MBD5: variants seen among roughly 807,000 people sequenced by gnomAD.
The protein encoded by MBD5 is methyl-CpG binding domain protein 5.
A neutral mutation model predicts 117.3 loss-of-function variants in MBD5; 13 were observed. That is an observed-to-expected ratio of 0.11 (90% CI 0.07 to 0.18). The LOEUF (loss-of-function observed/expected upper bound fraction) is 0.18, where lower values mean the gene tolerates loss of function less well. Among genes scored for constraint, MBD5 ranks in the 10% least tolerant of loss-of-function variants. The probability of loss-of-function intolerance (pLI) is 1.00; values close to 1 mark genes in which losing one functional copy is unlikely to be tolerated. For missense variants in MBD5, 1,879 were observed against 2,093.8 expected, an observed-to-expected ratio of 0.90 and a Z score of 2.00; for synonymous variants, 727 against 766.4, an observed-to-expected ratio of 0.95 and a Z score of 0.85.
chr2:148,282,560 G>T (rs985251021), intron 3 of MBD5, among the ~76,000 whole-genome samples: 10 of 149,518 alleles, frequency 6.7e-5, no homozygotes, highest in Non-Finnish European at 1.3e-4. Context: ...TATATATAAT[G>T]TGTGTGTGTG....
In MBD5 at chr2:148,101,786, A is replaced by G. The variant is rs567336960; in HGVS notation, c.-924-76914A>G. Among the ~76,000 whole-genome samples the G allele has an allele frequency of 2.6e-5, 4 of 152,302 alleles. No individual in the cohort carries two copies. The South Asian group carries it at 6.2e-4, about 24-fold the overall frequency. On this transcript the variant is annotated intron_variant, in intron 1 of 13. Coordinates refer to ENST00000642680, the MANE Select transcript of MBD5 (RefSeq NM_001378120.1). ...TGTTCTCTCAGTAAAAATAGGTGCT[A>G]AAATTAAAAACACAATATATTACAC...
chr2:148,436,066 T>G (rs945422703), intron 4 of MBD5, among the ~76,000 whole-genome samples: 2 of 152,182 alleles, frequency 1.3e-5, no homozygotes, highest in Non-Finnish European at 2.9e-5. Context: ...GAAATTGCAT[T>G]TGTAAGTTAA....
intron 4 of MBD5, among the ~76,000 whole-genome samples, chr2:148,454,641 G>A (rs995770119): frequency 5.9e-5 from 9 of 152,008 alleles, no homozygotes; most frequent in African/African-American, 2.2e-4. Flanking sequence ...GGAAGGGAGG[G>A]GATTGGGCTG....
At position 148,470,161 on chromosome 2, in the gene MBD5, A is replaced by G. The variant is rs772184413; in HGVS notation, c.2218A>G (p.Thr740Ala). ...LPCSANQLHF[T>A]DPSMNSSVLQ... Reference sequence around the variant, plus strand: ...TTGCTCTGCTAACCAGCTGCATTTTACAGATCCCAGTATGAACTCTAGTGT... The same window carrying G: ...TTGCTCTGCTAACCAGCTGCATTTTGCAGATCCCAGTATGAACTCTAGTGT... Residue 740 changes from threonine (T) to alanine (A), a missense_variant, in exon 8 of 14, where the codon ACA becomes GCA. Thr to Ala is a moderately conservative substitution (Grantham distance 58). Around this residue, in one of 4 missense-constraint regions of MBD5, gnomAD observed 1,666 missense variants for 1,792.2 expected, o/e 0.93. Coordinates refer to ENST00000642680, the MANE Select transcript of MBD5 (RefSeq NM_001378120.1). The G allele has an allele frequency of 2.5e-6, 4 of 1,613,958 alleles. No individual in the cohort carries two copies. In the South Asian group the frequency reaches 3.3e-5, roughly 13 times the overall value.
chr2:148,428,073 C>T (rs1223162187), intron 4 of MBD5, among the ~76,000 whole-genome samples: 1 of 152,144 alleles, frequency 6.6e-6, no homozygotes, highest in Non-Finnish European at 1.5e-5. Context: ...TTGCAGATGA[C>T]ATGATTGTGT....
At chr2:148,112,148 T>C (rs1214128979) in intron 1 of MBD5, among the ~76,000 whole-genome samples, 1 of 152,134 alleles carries the variant, frequency 6.6e-6, no homozygotes, top group Non-Finnish European at 1.5e-5. Context: ...GAAAAGTAAA[T>C]GTTCTGTGGG....
intron 4 of MBD5, among the ~76,000 whole-genome samples, chr2:148,356,881 T>C (rs1289608084): frequency 1.6e-5 from 2 of 128,868 alleles, no homozygotes; most frequent in South Asian, 2.9e-4. Context: ...TCAACCCACA[T>C]TTTTTCTCTT....
chr2:148,199,994 T>G (rs114761665), intron 2 of MBD5, among the ~76,000 whole-genome samples: 1,860 of 152,310 alleles, frequency 0.012, 43 homozygotes, highest in African/African-American at 0.042. Flanking sequence ...TACATTTATC[T>G]TATGATAGAA....
chr2:148,380,574 T>G lies in MBD5; in HGVS notation c.-557+38238T>G, dbSNP rs1704108281. Among the ~76,000 whole-genome samples, 3 of 152,204 alleles carry G rather than the reference T, an allele frequency of 2.0e-5. 1 individual carries two copies. In the South Asian group the frequency reaches 6.2e-4, roughly 31 times the overall value. ...ACTAAACATGTAAAATTTATATATA[T>G]ATAGTCTTAATCACTTGCATTAGAA... On this transcript the variant is annotated intron_variant, in intron 4 of 13. Transcript: ENST00000642680.
At chr2:148,476,980 G>C (rs1359230717) in intron 8 of MBD5, among the ~76,000 whole-genome samples, 1 of 151,508 alleles carries the variant, frequency 6.6e-6, no homozygotes. Context: ...CAAATATTAA[G>C]AAAAATGTGA....
At chr2:148,350,495 G>A (rs1344103083) in intron 4 of MBD5, among the ~76,000 whole-genome samples, 1 of 151,976 alleles carries the variant, frequency 6.6e-6, no homozygotes, top group Non-Finnish European at 1.5e-5. Flanking sequence ...GTGATAGTGG[G>A]CAATAGTTCA....
chr2:148,166,722 C>T (rs543740813), intron 1 of MBD5, among the ~76,000 whole-genome samples: 1 of 151,918 alleles, frequency 6.6e-6, no homozygotes, highest in African/African-American at 2.4e-5. Flanking sequence ...GCTATGTTTT[C>T]TGTGTGTGTG....
chr2:148,329,550 A>T (rs1026741521), intron 3 of MBD5, among the ~76,000 whole-genome samples: 1 of 152,218 alleles, frequency 6.6e-6, no homozygotes, highest in East Asian at 1.9e-4. Flanking sequence ...AAATTCACTT[A>T]TAAGTAATTA....
chr2:148,220,757 A>T (rs142188008), intron 2 of MBD5, among the ~76,000 whole-genome samples: 220 of 152,278 alleles, frequency 1.4e-3, no homozygotes, highest in African/African-American at 4.9e-3. Flanking sequence ...CAATCAAATT[A>T]TACTTTTAGT....
At chr2:148,178,362 G>T (rs992021526) in intron 1 of MBD5, among the ~76,000 whole-genome samples, 2 of 152,014 alleles carry the variant, frequency 1.3e-5, no homozygotes, top group African/African-American at 4.8e-5. Context: ...TTTAGAATGG[G>T]GCTCTGTTCA....
At chr2:148,212,943 C>T (rs1486981249) in intron 2 of MBD5, among the ~76,000 whole-genome samples, 3 of 152,048 alleles carry the variant, frequency 2.0e-5, no homozygotes, top group East Asian at 1.9e-4. Flanking sequence ...CCTATTTGTT[C>T]GTTCTTTTCT....
chr2:148,419,676 G>A (rs1407534449), intron 4 of MBD5, among the ~76,000 whole-genome samples: 1 of 151,784 alleles, frequency 6.6e-6, no homozygotes, highest in Non-Finnish European at 1.5e-5. Context: ...TTTACTATTT[G>A]GTAAGGTAAT....
At chr2:148,265,065 G>GCACACACA (rs376514820) in intron 3 of MBD5, 1 of 91,522 alleles carries the variant, frequency 1.1e-5, no homozygotes, top group Non-Finnish European at 2.4e-5. Flanking sequence ...GTAGACACAC[G>GCACACACA]CACACACACA....
chr2:148,281,816 C>G (rs1701253734), intron 3 of MBD5, among the ~76,000 whole-genome samples: 1 of 152,090 alleles, frequency 6.6e-6, no homozygotes, highest in East Asian at 1.9e-4. Flanking sequence ...TCCCCAAAAG[C>G]TTTTTTCAGC....
Sources: allele counts gnomAD v4.1 joint callset (sites outside exome capture counted in the v4.1 genomes callset), GRCh38; gene constraint gnomAD v4.1.1; regional missense constraint gnomAD v4.1.1; transcripts MANE v1.5; gene names NCBI Gene and HGNC (gene_info 2026-07-23, HGNC 2026-07-21).